Variants in CHCHD6 observed in about 807,000 individuals in gnomAD.
CHCHD6 encodes the protein coiled-coil-helix-coiled-coil-helix domain containing 6.
Under a neutral mutation model 32.3 loss-of-function variants are expected in CHCHD6, and 28 were observed. That is an observed-to-expected ratio of 0.87 (90% CI 0.64 to 1.19). The LOEUF is 1.19. CHCHD6 is among the 50% of genes most tolerant of loss of function. The pLI, the probability that CHCHD6 is intolerant of heterozygous loss-of-function variation, is 0.00. For synonymous variants in CHCHD6, 122 were observed against 117.5 expected, an observed-to-expected ratio of 1.04 and a Z score of -0.25; for missense variants, 333 against 307.0, an observed-to-expected ratio of 1.08 and a Z score of -0.63.
At chr3:126,767,881 G>A (rs986276780) in intron 4 of CHCHD6, among the ~76,000 whole-genome samples, 1 of 152,114 alleles carries the variant, frequency 6.6e-6, no homozygotes, top group African/African-American at 2.4e-5. Flanking sequence ...GTTTGCTTAG[G>A]ATAATGGCCT....
intron 1 of CHCHD6, among the ~76,000 whole-genome samples, chr3:126,720,951 T>G (rs1046120877): frequency 2.0e-5 from 3 of 152,236 alleles, no homozygotes; most frequent in Admixed American, 1.3e-4. Flanking sequence ...TTTCTCCCTT[T>G]TACAATGTGG....
intron 6 of CHCHD6, among the ~76,000 whole-genome samples, chr3:126,924,806 G>T (rs2107595671): frequency 6.6e-6 from 1 of 152,326 alleles, no homozygotes; most frequent in South Asian, 2.1e-4. Flanking sequence ...GAATGGGTGG[G>T]CCTGGAGGAC....
At chr3:126,737,390 G>GTATATA (rs60896630) in intron 4 of CHCHD6, among the ~76,000 whole-genome samples, 3,791 of 132,484 alleles carry the variant, frequency 0.029, 72 homozygotes, top group South Asian at 0.062. Flanking sequence ...TGATGTGTGA[G>GTATATA]TATATATATA....
intron 4 of CHCHD6, among the ~76,000 whole-genome samples, chr3:126,805,923 C>T (rs866465821): frequency 2.0e-5 from 3 of 152,262 alleles, no homozygotes; most frequent in African/African-American, 7.2e-5. Flanking sequence ...TGATCTTTGA[C>T]AAACCTGAGA....
chr3:126,755,303 C>G (rs1433773498), intron 4 of CHCHD6, among the ~76,000 whole-genome samples: 1 of 152,176 alleles, frequency 6.6e-6, no homozygotes, highest in Non-Finnish European at 1.5e-5. Context: ...TAGCTCAGCC[C>G]TGTCACTGTA....
intron 1 of CHCHD6, among the ~76,000 whole-genome samples, chr3:126,715,179 A>C (rs765289674): frequency 6.6e-6 from 1 of 152,080 alleles, no homozygotes; most frequent in Non-Finnish European, 1.5e-5. Flanking sequence ...GAAAAGGGTT[A>C]CTTGTCACCT....
At chr3:126,850,966 T>A (rs1467984911) in intron 4 of CHCHD6, among the ~76,000 whole-genome samples, 2 of 152,206 alleles carry the variant, frequency 1.3e-5, no homozygotes, top group South Asian at 2.1e-4. Flanking sequence ...TCCAGAAGCC[T>A]TCCTGGCATT....
rs564999752 is a variant in CHCHD6, at chr3:126,887,751, A to G, written c.496-26929A>G. 1.8e-3 allele frequency among the ~76,000 whole-genome samples: 268 copies of G among 152,266 alleles called. 1 individual carries two copies. Among genetic ancestry groups the G allele is most frequent in the African/African-American group, 6.2e-3 (256 of 41,544 alleles). On this transcript the variant is annotated intron_variant, in intron 5 of 7. Coordinates refer to ENST00000290913, the MANE Select transcript of CHCHD6 (RefSeq NM_032343.3). ...AACACCGTGCATTGGGCCACATTGGACCAGCCGCAGCATAGGGACTACCCA... is the reference window on the plus strand; with the variant it reads ...AACACCGTGCATTGGGCCACATTGGGCCAGCCGCAGCATAGGGACTACCCA...
intron 6 of CHCHD6, among the ~76,000 whole-genome samples, chr3:126,943,515 A>G (rs1007328954): frequency 1.3e-5 from 2 of 152,148 alleles, no homozygotes; most frequent in African/African-American, 4.8e-5. Flanking sequence ...GTCCAAAGCC[A>G]AGGTGTGGCA....
chr3:126,770,372 T>C (rs1222355643), intron 4 of CHCHD6, among the ~76,000 whole-genome samples: 1 of 152,230 alleles, frequency 6.6e-6, no homozygotes, highest in Non-Finnish European at 1.5e-5. Flanking sequence ...ATATGTTGAA[T>C]AGAAGTGATC....
chr3:126,804,600 C>T (rs185193150), intron 4 of CHCHD6, among the ~76,000 whole-genome samples: 163 of 152,096 alleles, frequency 1.1e-3, no homozygotes, highest in Non-Finnish European at 2.0e-3. Context: ...GAGTCGAGGA[C>T]CAGACGGATT....
intron 5 of CHCHD6, among the ~76,000 whole-genome samples, chr3:126,864,701 TCTC>T (rs1942178304): frequency 9.4e-6 from 1 of 106,300 alleles, no homozygotes. Flanking sequence ...TCCACCATCA[TCTC>T]CTCTTCCTCC....
intron 2 of CHCHD6, 135 bp downstream of exon 2, chr3:126,727,321 G>A (rs369394921): frequency 2.2e-4 from 110 of 503,368 alleles, no homozygotes; most frequent in African/African-American, 2.0e-3. Flanking sequence ...TGTCTGGTAA[G>A]GGCTTTCCGG....
At chr3:126,871,928 G>A (rs568690486) in intron 5 of CHCHD6, among the ~76,000 whole-genome samples, 1 of 152,176 alleles carries the variant, frequency 6.6e-6, no homozygotes, top group South Asian at 2.1e-4. Flanking sequence ...GCCTCCCAAA[G>A]TGCTGGGATC....
At chr3:126,913,073 G>A (rs1340526416) in intron 5 of CHCHD6, among the ~76,000 whole-genome samples, 1 of 152,166 alleles carries the variant, frequency 6.6e-6, no homozygotes, top group Admixed American at 6.5e-5. Flanking sequence ...AGGCAACGCA[G>A]CTCTAAAGTT....
chr3:126,861,016 AGAT>A (rs1401339257), intron 5 of CHCHD6, among the ~76,000 whole-genome samples: 1 of 152,160 alleles, frequency 6.6e-6, no homozygotes, highest in Non-Finnish European at 1.5e-5. Context: ...GGCCTTATAG[AGAT>A]GATGAAGTCA....
At chr3:126,857,433 C>G (rs1179254496) in intron 5 of CHCHD6, among the ~76,000 whole-genome samples, 1 of 152,196 alleles carries the variant, frequency 6.6e-6, no homozygotes, top group Non-Finnish European at 1.5e-5. Context: ...AGATGCTTCC[C>G]TGCACTGCCT....
rs149634542 is a variant in CHCHD6 at position 126,802,534 on chromosome 3, A to G, written c.412-50113A>G. ...AGAGAGAAAAGAATAAAAAGAAATG[A>G]AGAAAGCCTCCAAGAAATATGGGAC... On this transcript the variant is annotated intron_variant, in intron 4 of 7. Transcript: ENST00000290913. Among the ~76,000 whole-genome samples the G allele has an allele frequency of 7.8e-4, 119 of 152,354 alleles. 1 individual carries two copies. Among genetic ancestry groups the G allele is most frequent in the African/African-American group, 2.7e-3 (112 of 41,580 alleles).
At chr3:126,765,843 G>A (rs1937347243) in intron 4 of CHCHD6, among the ~76,000 whole-genome samples, 1 of 152,202 alleles carries the variant, frequency 6.6e-6, no homozygotes, top group Non-Finnish European at 1.5e-5. Flanking sequence ...TCCCCCTCCA[G>A]GGGGACACTG....
Sources: allele counts gnomAD v4.1 joint callset (sites outside exome capture counted in the v4.1 genomes callset), GRCh38; gene constraint gnomAD v4.1.1; transcripts MANE v1.5; gene names NCBI Gene and HGNC (gene_info 2026-07-23, HGNC 2026-07-21).